PRCP: variants seen among roughly 807,000 people sequenced by gnomAD.
PRCP encodes prolylcarboxypeptidase.
PRCP carries 46 observed loss-of-function variants against 54.2 expected under a neutral mutation model. The ratio of observed to expected loss-of-function variants is 0.85; its 90% CI spans 0.67 to 1.09. The LOEUF is 1.09. PRCP is among the 50% of genes least tolerant of loss of function. The pLI is 0.00. For missense variants in PRCP, 613 were observed against 596.8 expected, an observed-to-expected ratio of 1.03 and a Z score of -0.28; for synonymous variants, 240 against 212.2, an observed-to-expected ratio of 1.13 and a Z score of -1.14.
intron 4 of PRCP, 124 bp from the exon 5 acceptor site, chr11:82,850,195 C>T: frequency 2.0e-6 from 2 of 985,454 alleles, no homozygotes; most frequent in Non-Finnish European, 2.7e-6. Context: ...AAAAATAACA[C>T]AGCTGTTAAT....
At chr11:82,901,305 A>C, upstream of PRCP, 4 of 184,674 alleles carry the variant, frequency 2.2e-5, no homozygotes, top group South Asian at 8.6e-5. Flanking sequence ...GCACCCGAAA[A>C]CCCACTCCGC....
At chr11:82,850,211 A>T in intron 4 of PRCP, 113 bp downstream of exon 4, 1 of 1,094,386 alleles carries the variant, frequency 9.1e-7, no homozygotes, top group South Asian at 4.0e-5. Flanking sequence ...TTAATGAGAC[A>T]GAAGCCAGAA....
At chr11:82,887,767 T>C (rs7114521) in intron 1 of PRCP, among the ~76,000 whole-genome samples, 83,345 of 151,952 alleles carry the variant, frequency 0.55, 23,716 homozygotes, top group African/African-American at 0.7. Context: ...TAGGAGCTGG[T>C]TACAAAGAAA....
intron 1 of PRCP, chr11:82,884,781 A>G: frequency 2.5e-6 from 4 of 1,608,980 alleles, no homozygotes; most frequent in Non-Finnish European, 3.4e-6. Context: ...CATGGCTTTC[A>G]GCTTGTTTTC....
rs377663573 is a variant in PRCP, at chr11:82,849,948, C to T, written c.717G>A (p.Arg239=). The part of the protein sequence containing the change: ...SGPHCSESIH[R]SWDAINRLSN... ...AGAGTCGATTAATGGCATCCCAGGA[C>T]CTGTGGATGCTCTCTGAACAATGTG... is the stretch of plus-strand genomic sequence containing the variant. Residue 239 remains arginine, a synonymous_variant, in exon 5 of 9, where the codon AGG becomes AGA. Coordinates refer to ENST00000313010, the MANE Select transcript of PRCP (RefSeq NM_005040.4). 7.9e-6 allele frequency: 12 copies of T among 1,528,144 alleles called. No homozygotes were observed. Among genetic ancestry groups the T allele is most frequent in the Non-Finnish European group, 8.8e-6 (10 of 1,136,494 alleles). 94.7% of individuals were successfully genotyped at this position (1,528,144 alleles called of 1,614,324 possible).
intron 3 of PRCP, among the ~76,000 whole-genome samples, chr11:82,851,111 C>T (rs953026776): frequency 1.3e-5 from 2 of 152,176 alleles, no homozygotes; most frequent in Non-Finnish European, 2.9e-5. Context: ...GTTTCATAAA[C>T]ATCCTGCTCT....
At chr11:82,874,596 T>A (rs1859556316) in intron 1 of PRCP, among the ~76,000 whole-genome samples, 1 of 146,734 alleles carries the variant, frequency 6.8e-6, no homozygotes, top group Non-Finnish European at 1.5e-5. Context: ...GAGGATGAAG[T>A]GGGAGGATCA....
At chr11:82,849,007 AGT>A in intron 6 of PRCP, 40 bp downstream of exon 6, 1 of 1,575,790 alleles carries the variant, frequency 6.3e-7, no homozygotes, top group Non-Finnish European at 8.7e-7. Flanking sequence ...TTAAAAAAAA[AGT>A]GTGTTATTAA....
intron 1 of PRCP, among the ~76,000 whole-genome samples, chr11:82,866,761 AC>A (rs1859346552): frequency 6.6e-6 from 1 of 151,240 alleles, no homozygotes; most frequent in South Asian, 2.1e-4. Context: ...TTGCTCTGTC[AC>A]CCAGGCTGGA....
intron 6 of PRCP, among the ~76,000 whole-genome samples, chr11:82,841,014 T>C (rs1436559519): frequency 1.9e-5 from 2 of 107,298 alleles, no homozygotes; most frequent in African/African-American, 6.0e-5. Flanking sequence ...TTCAGTAATC[T>C]GGTCCTTTTC....
chr11:82,900,782 C>T (rs1200925963), upstream of PRCP: 5 of 473,032 alleles, frequency 1.1e-5, no homozygotes, highest in Non-Finnish European at 1.7e-5. Flanking sequence ...ATATCCCTAC[C>T]ATTATCATCA....
intron 8 of PRCP, chr11:82,830,655 A>AAAAAC (rs1858358410): frequency 1.4e-5 from 2 of 145,324 alleles, no homozygotes; most frequent in African/African-American, 5.0e-5. Context: ...AAAAAAAAAA[A>AAAAAC]CTACACTCCA....
At chr11:82,832,429 T>C (rs1858410371) in intron 8 of PRCP, among the ~76,000 whole-genome samples, 2 of 152,260 alleles carry the variant, frequency 1.3e-5, no homozygotes, top group South Asian at 4.1e-4. Context: ...CATTGTGGTT[T>C]TGAGTTGCAT....
upstream of PRCP, chr11:82,900,467 C>T: frequency 6.5e-7 from 1 of 1,540,366 alleles, no homozygotes; most frequent in African/African-American, 1.4e-5. Context: ...AGCGCACAGG[C>T]TAAGCCCTGC....
In PRCP at chr11:82,896,168, TG is replaced by T. The variant is rs530749991; in HGVS notation, c.168+4066del. Among the ~76,000 whole-genome samples the T allele has an allele frequency of 4.7e-4, 71 of 152,348 alleles. 1 individual carries two copies. The highest frequency in any genetic ancestry group is 1.6e-3 in the African/African-American group (65 of 41,578). On this transcript the variant is annotated intron_variant, in intron 1 of 8. Transcript: ENST00000313010. ...TACCATGTTTTATGCACCATCCATGTGGCTTTCATTTGTTACGACACTGAAC... is the reference window on the plus strand; with the variant it reads ...TACCATGTTTTATGCACCATCCATGTGCTTTCATTTGTTACGACACTGAAC...
chr11:82,870,043 A>G (rs1020427141), intron 1 of PRCP, among the ~76,000 whole-genome samples: 1 of 152,262 alleles, frequency 6.6e-6, no homozygotes, highest in Non-Finnish European at 1.5e-5. Flanking sequence ...TCAGCATTTT[A>G]CCAAAGCATA....
intron 5 of PRCP, 115 bp from the exon 6 acceptor site, chr11:82,849,333 C>T: frequency 4.3e-6 from 5 of 1,168,602 alleles, no homozygotes; most frequent in Non-Finnish European, 5.9e-6. Flanking sequence ...TACCCCTTCT[C>T]CCAGGATATT....
rs999753914 is a variant in PRCP, at chr11:82,884,696, G to C, written c.168+15539C>G. 5 of 1,373,102 alleles carry C rather than the reference G, an allele frequency of 3.6e-6. No individual in the cohort carries two copies. The African/African-American group carries it at 7.3e-5, about 20-fold the overall frequency. The allele number at this position is 1,373,102 out of a possible 1,614,324, so 85.1% of individuals were successfully genotyped here. A position where few individuals can be genotyped will look rare whatever the true frequency, so the allele number is the denominator to read the frequency against. On this transcript the variant is annotated intron_variant, in intron 1 of 8. Coordinates refer to ENST00000313010, the MANE Select transcript of PRCP (RefSeq NM_005040.4). Reference sequence around the variant, plus strand: ...AGACCACAAATGTTCTGATGTAGTGGAAAAAGAAGAGAATTTGCAGACAGA... The same window carrying C: ...AGACCACAAATGTTCTGATGTAGTGCAAAAAGAAGAGAATTTGCAGACAGA...
chr11:82,867,640 C>G (rs759450828), intron 1 of PRCP, among the ~76,000 whole-genome samples: 1 of 152,154 alleles, frequency 6.6e-6, no homozygotes, highest in Non-Finnish European at 1.5e-5. Context: ...TGTAATCAAG[C>G]ACTGCATATA....
Sources: allele counts gnomAD v4.1 joint callset (sites outside exome capture counted in the v4.1 genomes callset), GRCh38; gene constraint gnomAD v4.1.1; transcripts MANE v1.5; gene names NCBI Gene and HGNC (gene_info 2026-07-23, HGNC 2026-07-21).